Variants in TAX1BP1 observed in about 807,000 individuals in gnomAD.
The protein encoded by TAX1BP1 is Tax1 binding protein 1.
TAX1BP1 carries 62 observed loss-of-function variants against 97.7 expected under a neutral mutation model. The ratio of observed to expected loss-of-function variants is 0.63; its 90% CI spans 0.52 to 0.78. TAX1BP1 has a LOEUF of 0.78. Ranked by LOEUF, TAX1BP1 falls within the 30% of genes least tolerant of loss-of-function variation. The pLI is 0.00. For synonymous variants in TAX1BP1, 340 were observed against 304.2 expected (o/e 1.12, Z -1.23); for missense variants, 867 against 916.1 (o/e 0.95, Z 0.69).
chr7:27,829,598 C>CT lies in TAX1BP1; in HGVS notation c.*775dup, dbSNP rs1330265337. The CT allele has an allele frequency of 6.6e-6, 1 of 152,002 alleles. No individual in the cohort carries two copies. The highest frequency in any genetic ancestry group is 1.5e-5 in the Non-Finnish European group (1 of 68,002). 9.4% of individuals were successfully genotyped at this position (152,002 alleles called of 1,614,324 possible). A position where few individuals can be genotyped will look rare whatever the true frequency, so the allele number is the denominator to read the frequency against. On this transcript the variant is annotated 3_prime_UTR_variant, in exon 17 of 17. Transcript: ENST00000396319. ...AAAATCATAGAATATATATCAGTATCTTTTTTACATTTTCCTGATGAGAAT... is the reference window on the plus strand; with the variant it reads ...AAAATCATAGAATATATATCAGTATCTTTTTTTACATTTTCCTGATGAGAAT...
At chr7:27,804,951 A>G (rs1398826745) in intron 13 of TAX1BP1, among the ~76,000 whole-genome samples, 1 of 152,160 alleles carries the variant, frequency 6.6e-6, no homozygotes, top group Non-Finnish European at 1.5e-5. Context: ...GGTAGTTGCT[A>G]ATATTTTACA....
chr7:27,808,007 CT>C (rs1790407009), intron 13 of TAX1BP1, among the ~76,000 whole-genome samples: 1 of 152,180 alleles, frequency 6.6e-6, no homozygotes, highest in African/African-American at 2.4e-5. Flanking sequence ...TCTTTGAGCA[CT>C]TATTACTTTC....
rs772679952 is a variant in TAX1BP1, at chr7:27,792,068, G to A, written c.1101G>A (p.Arg367=). The A allele has an allele frequency of 3.1e-6, 5 of 1,613,936 alleles. No homozygotes were observed. In the African/African-American group the frequency reaches 5.3e-5, roughly 17 times the overall value. ...CAGAGGAACAGGTTCAGGCAACTCG[G>A]CAAGAAGTTGTCTTTCTGGCTAAAG... ...RKAEEQVQAT[R]QEVVFLAKEL... is the part of the protein sequence containing the mutation. The change falls in exon 9 of 17, where the codon CGG becomes CGA. Residue 367 remains arginine, a synonymous_variant. Transcript: ENST00000396319.
rs545707633 is a variant in TAX1BP1 at position 27,763,361 on chromosome 7, A to G, written c.266-2473A>G. ...TTTTATTTTCAGTATCCATCTGACA[A>G]GTTTTTCCAGGCAGCTTTAAATTGC... On this transcript the variant is annotated intron_variant, in intron 3 of 16. Coordinates refer to ENST00000396319, the MANE Select transcript of TAX1BP1 (RefSeq NM_006024.7). Among the ~76,000 whole-genome samples, 261 of 152,312 alleles carry G rather than the reference A, an allele frequency of 1.7e-3. 1 individual carries two copies. The highest frequency in any genetic ancestry group is 5.7e-3 in the African/African-American group (236 of 41,564).
At chr7:27,816,025 CA>C (rs537307118) in intron 13 of TAX1BP1, among the ~76,000 whole-genome samples, 1 of 149,692 alleles carries the variant, frequency 6.7e-6, no homozygotes, top group Non-Finnish European at 1.5e-5. Context: ...AGCTCTGTCT[CA>C]AAAAAAAAGA....
chr7:27,828,195 C>T (rs185625724), intron 16 of TAX1BP1, among the ~76,000 whole-genome samples: 196 of 152,208 alleles, frequency 1.3e-3, no homozygotes, highest in Non-Finnish European at 2.4e-4. Context: ...ACATGTCCTC[C>T]GACTGATTCT....
chr7:27,826,292 T>C (rs1791175421), intron 15 of TAX1BP1, among the ~76,000 whole-genome samples: 6 of 152,230 alleles, frequency 3.9e-5, no homozygotes, highest in Admixed American at 3.9e-4. Context: ...CTCAGTTATA[T>C]CCTATGGGAC....
At chr7:27,825,110 A>G (rs1228781397) in intron 15 of TAX1BP1, among the ~76,000 whole-genome samples, 1 of 152,126 alleles carries the variant, frequency 6.6e-6, no homozygotes, top group Non-Finnish European at 1.5e-5. Flanking sequence ...TATTTAAAAA[A>G]TCAGTGTTAC....
rs1274763447 is a variant in TAX1BP1, at chr7:27,797,328, A to G, written c.1638+1109A>G. Among the ~76,000 whole-genome samples, 3 of 151,976 alleles carry G rather than the reference A, an allele frequency of 2.0e-5. No individual in the cohort carries two copies. In the East Asian group the frequency reaches 5.8e-4, roughly 29 times the overall value. On this transcript the variant is annotated intron_variant, in intron 12 of 16. Coordinates refer to ENST00000396319, the MANE Select transcript of TAX1BP1 (RefSeq NM_006024.7). Reference sequence around the variant, plus strand: ...GATTATTTTAAACAGCTTCATTCAGACTTTTCTGGTTTGCAGCCTTCTTGG... The same window carrying G: ...GATTATTTTAAACAGCTTCATTCAGGCTTTTCTGGTTTGCAGCCTTCTTGG...
intron 2 of TAX1BP1, among the ~76,000 whole-genome samples, chr7:27,756,972 C>G (rs1413194612): frequency 6.6e-6 from 1 of 152,088 alleles, no homozygotes; most frequent in Non-Finnish European, 1.5e-5. Context: ...ACTTTCTCTT[C>G]TATATAATTA....
Position 27,779,295 on chromosome 7 carries a change from C to G in TAX1BP1, c.613-5868C>G, listed in dbSNP as rs186562807. ...GTGCACCACTGTGCTTGGCTCATATCTAGATTTTTGATTTTTGAGGCAAAT... is the reference window on the plus strand; with the variant it reads ...GTGCACCACTGTGCTTGGCTCATATGTAGATTTTTGATTTTTGAGGCAAAT... On this transcript the variant is annotated intron_variant, in intron 5 of 16. Transcript: ENST00000396319. Among the ~76,000 whole-genome samples the G allele has an allele frequency of 3.9e-5, 6 of 152,218 alleles. No homozygotes were observed. The East Asian group carries it at 9.7e-4, about 25-fold the overall frequency.
intron 5 of TAX1BP1, among the ~76,000 whole-genome samples, chr7:27,770,273 CTA>C (rs1253494326): frequency 5.9e-5 from 9 of 151,880 alleles, no homozygotes; most frequent in African/African-American, 2.2e-4. Context: ...GGGTGAAATG[CTA>C]TGTTATCCTA....
At chr7:27,796,055 C>A in intron 11 of TAX1BP1, 61 bp from the exon 12 acceptor site, 2 of 1,269,064 alleles carry the variant, frequency 1.6e-6, no homozygotes, top group Middle Eastern at 1.8e-4. Context: ...TTATTCTGAA[C>A]AGGAAGATAA....
At chr7:27,786,708 CT>C (rs1478257037) in intron 7 of TAX1BP1, among the ~76,000 whole-genome samples, 2 of 152,124 alleles carry the variant, frequency 1.3e-5, no homozygotes, top group African/African-American at 4.8e-5. Context: ...ATATTCTATC[CT>C]TGTGAACAGG....
intron 2 of TAX1BP1, among the ~76,000 whole-genome samples, chr7:27,753,970 A>T (rs140007889): frequency 1.3e-5 from 2 of 152,194 alleles, no homozygotes; most frequent in African/African-American, 4.8e-5. Flanking sequence ...GAATTCTCAC[A>T]TCTCTGAGAT....
At chr7:27,784,141 A>G (rs1789375045) in intron 5 of TAX1BP1, among the ~76,000 whole-genome samples, 1 of 152,192 alleles carries the variant, frequency 6.6e-6, no homozygotes, top group Admixed American at 6.5e-5. Context: ...TAAATACTAT[A>G]TAATCTTTCA....
At position 27,789,498 on chromosome 7, in the gene TAX1BP1, A is replaced by G. The variant is rs116704237; in HGVS notation, c.1038+1895A>G. ...TTTCTTTTTGTAAAAATAAGCTTAT[A>G]TATGCATGTGTACATGTACATACAT... On this transcript the variant is annotated intron_variant, in intron 8 of 16. Transcript: ENST00000396319. Among the ~76,000 whole-genome samples, 826 of 152,040 alleles carry G rather than the reference A, an allele frequency of 5.4e-3. 11 individuals carry two copies. Among genetic ancestry groups the G allele is most frequent in the African/African-American group, 0.018 (758 of 41,548 alleles).
intron 3 of TAX1BP1, among the ~76,000 whole-genome samples, chr7:27,761,298 A>C (rs961479429): frequency 6.6e-6 from 1 of 152,152 alleles, no homozygotes; most frequent in African/African-American, 2.4e-5. Context: ...TGTGTGCTCC[A>C]TTTGTTATAA....
intron 1 of TAX1BP1, among the ~76,000 whole-genome samples, chr7:27,741,624 C>T (rs1787608073): frequency 1.3e-5 from 2 of 152,080 alleles, no homozygotes; most frequent in African/African-American, 4.8e-5. Context: ...CCTCAGCCTC[C>T]TGAGTACCTG....
Sources: gnomAD v4.1 joint callset for allele counts (sites outside exome capture counted in the v4.1 genomes callset) on GRCh38, gnomAD v4.1.1 for gene constraint, MANE v1.5 for transcripts, NCBI Gene and HGNC (gene_info 2026-07-23, HGNC 2026-07-21) for gene names.